The following CATSPERE variants were observed in gnomAD, a reference collection of about 807,000 sequenced individuals.
CATSPERE encodes cation channel sperm-associated auxiliary subunit epsilon.
A neutral mutation model predicts 114.1 loss-of-function variants in CATSPERE; 93 were observed. That is an observed-to-expected ratio of 0.81 (90% CI 0.69 to 0.97). The LOEUF is 0.97. CATSPERE is among the 50% of genes least tolerant of loss of function. The pLI is 0.00. For missense variants in CATSPERE, 1,058 were observed against 1,131.6 expected (o/e 0.93, Z 0.93); for synonymous variants, 341 against 384.1 (o/e 0.89, Z 1.31).
At chr1:244,466,939 AAGT>A (rs1667694899) in intron 2 of CATSPERE, among the ~76,000 whole-genome samples, 2 of 152,244 alleles carry the variant, frequency 1.3e-5, no homozygotes, top group Non-Finnish European at 1.5e-5. Context: ...TCTTTTTTAC[AAGT>A]TCCAGTCCAC....
intron 7 of CATSPERE, among the ~76,000 whole-genome samples, chr1:244,508,673 T>C (rs1675220565): frequency 6.6e-6 from 1 of 151,480 alleles, no homozygotes; most frequent in Non-Finnish European, 1.5e-5. Flanking sequence ...GTTCTACACA[T>C]TTTTTTGGTG....
At chr1:244,520,555 G>C (rs912271449) in intron 8 of CATSPERE, among the ~76,000 whole-genome samples, 34 of 152,164 alleles carry the variant, frequency 2.2e-4, no homozygotes, top group African/African-American at 7.0e-4. Flanking sequence ...CCACAATCAG[G>C]AGATGCCCTT....
intron 2 of CATSPERE, among the ~76,000 whole-genome samples, chr1:244,475,696 C>T (rs1289019978): frequency 6.6e-6 from 1 of 151,878 alleles, no homozygotes; most frequent in Admixed American, 6.6e-5. Context: ...ACCACCACGC[C>T]TAGCTTATTT....
At chr1:244,465,323 C>T (rs539996084) in intron 2 of CATSPERE, among the ~76,000 whole-genome samples, 106 of 152,252 alleles carry the variant, frequency 7.0e-4, no homozygotes, top group Non-Finnish European at 1.4e-3. Flanking sequence ...CCTGAGCCAC[C>T]GCGCCTGTCC....
At chr1:244,630,763 A>G (rs974481664) in intron 20 of CATSPERE, among the ~76,000 whole-genome samples, 1 of 152,130 alleles carries the variant, frequency 6.6e-6, no homozygotes, top group East Asian at 1.9e-4. Flanking sequence ...TATGGGTCCT[A>G]TCTCAGGGAG....
intron 17 of CATSPERE, among the ~76,000 whole-genome samples, chr1:244,601,871 T>C (rs983742572): frequency 6.6e-6 from 1 of 151,962 alleles, no homozygotes; most frequent in Non-Finnish European, 1.5e-5. Flanking sequence ...GGAGAATCGC[T>C]TGAACCCAAG....
intron 20 of CATSPERE, among the ~76,000 whole-genome samples, chr1:244,621,303 A>T (rs1316100625): frequency 8.1e-6 from 1 of 123,544 alleles, no homozygotes; most frequent in Non-Finnish European, 1.6e-5. Context: ...ATATAAATAT[A>T]TAAATATATA....
chr1:244,451,599 G>A, upstream of CATSPERE: 1 of 1,576,146 alleles, frequency 6.3e-7, no homozygotes, highest in Non-Finnish European at 8.6e-7. The surrounding 1 kb of genome is among the most constrained non-coding windows in gnomAD (Gnocchi z 6.6). Flanking sequence ...CCGAGCTCCC[G>A]GGCCCGGCTT....
intron 10 of CATSPERE, among the ~76,000 whole-genome samples, chr1:244,565,366 T>G (rs936624620): frequency 4.6e-5 from 7 of 152,198 alleles, no homozygotes; most frequent in Admixed American, 1.3e-4. Flanking sequence ...TGGCTGTGAA[T>G]CTGTCTGGTC....
chr1:244,490,621 G>A, intron 6 of CATSPERE, 150 bp downstream of exon 6: 1 of 516,898 alleles, frequency 1.9e-6, no homozygotes, highest in Non-Finnish European at 3.5e-6. Context: ...GACCCATTCA[G>A]GAGGTCCATG....
At chr1:244,638,384 T>C (rs1674906930) in intron 21 of CATSPERE, among the ~76,000 whole-genome samples, 1 of 152,236 alleles carries the variant, frequency 6.6e-6, no homozygotes, top group Non-Finnish European at 1.5e-5. Context: ...CCCAAACTTC[T>C]GTAGCCACTG....
chr1:244,640,246 A>ATATAT lies in CATSPERE; in HGVS notation c.*165_*166insTATAT. ...AATATTCTTGAACTATCTCCAAAAT[A>ATATAT]GAAATGTTTTCATATATATTGTTAT... is the stretch of plus-strand genomic sequence containing the variant. On this transcript the variant is annotated 3_prime_UTR_variant, in exon 22 of 22. Transcript: ENST00000366534. 1.9e-6 allele frequency: 1 copy of ATATAT among 531,254 alleles called. No individual in the cohort carries two copies. The highest frequency in any genetic ancestry group is 3.2e-6 in the Non-Finnish European group (1 of 307,920). 32.9% of individuals were successfully genotyped at this position (531,254 alleles called of 1,614,324 possible). A position where few individuals can be genotyped will look rare whatever the true frequency, so the allele number is the denominator to read the frequency against.
intron 6 of CATSPERE, among the ~76,000 whole-genome samples, chr1:244,493,533 G>A (rs182605613): frequency 6.6e-6 from 1 of 152,272 alleles, no homozygotes; most frequent in African/African-American, 2.4e-5. Context: ...TCAGGACATA[G>A]GCATGGGCAA....
In CATSPERE at chr1:244,560,715, T is replaced by C. The variant is rs1662427569; in HGVS notation, c.1077T>C (p.Ile359=). Residue 359 remains isoleucine, a synonymous_variant, in exon 10 of 22, where the codon ATT becomes ATC. Coordinates refer to ENST00000366534, the MANE Select transcript of CATSPERE (RefSeq NM_001130957.2). ...TTGCAGTCTGGACAGAAAATGAAATTTACCTCGGATCCATTCTTCTTAAGT... is the reference window on the plus strand; with the variant it reads ...TTGCAGTCTGGACAGAAAATGAAATCTACCTCGGATCCATTCTTCTTAAGT... ...STFAVWTENE[I]YLGSILLKFA... 1 of 1,613,258 alleles carries C rather than the reference T, an allele frequency of 6.2e-7. No individual in the cohort carries two copies. The highest frequency in any genetic ancestry group is 1.3e-5 in the African/African-American group (1 of 74,872).
chr1:244,599,939 C>T (rs1572945873), intron 17 of CATSPERE, among the ~76,000 whole-genome samples: 1 of 151,976 alleles, frequency 6.6e-6, no homozygotes, highest in Admixed American at 6.6e-5. Flanking sequence ...GAGAAAAACA[C>T]AAAATATGAC....
intron 17 of CATSPERE, among the ~76,000 whole-genome samples, chr1:244,605,347 C>G (rs1669844459): frequency 6.6e-6 from 1 of 152,216 alleles, no homozygotes; most frequent in Non-Finnish European, 1.5e-5. Flanking sequence ...CTCACCTGAT[C>G]AACAGATGGA....
At chr1:244,569,937 A>G (rs1414358769) in intron 10 of CATSPERE, among the ~76,000 whole-genome samples, 1 of 152,184 alleles carries the variant, frequency 6.6e-6, no homozygotes, top group Non-Finnish European at 1.5e-5. Context: ...GTTTATTGGC[A>G]GTCTTCTCTG....
chr1:244,593,805 G>A (rs993537745), intron 17 of CATSPERE, among the ~76,000 whole-genome samples: 3 of 152,164 alleles, frequency 2.0e-5, no homozygotes, highest in African/African-American at 7.2e-5. Flanking sequence ...TAAGAGAGCT[G>A]AGAGCCTGCC....
At chr1:244,494,215 A>G (rs1426849057) in intron 6 of CATSPERE, among the ~76,000 whole-genome samples, 1 of 152,118 alleles carries the variant, frequency 6.6e-6, no homozygotes, top group Non-Finnish European at 1.5e-5. Context: ...ATGTCCAACA[A>G]CAATAGACTG....
Sources: gnomAD v4.1 joint callset for allele counts (sites outside exome capture counted in the v4.1 genomes callset) on GRCh38, gnomAD v4.1.1 for gene constraint, Gnocchi (gnomAD v3.1) non-coding constraint, MANE v1.5 for transcripts, NCBI Gene and HGNC (gene_info 2026-07-23, HGNC 2026-07-21) for gene names.